The following SPOCK3 variants were observed in gnomAD, a reference collection of about 807,000 sequenced individuals.
SPOCK3 encodes the protein testican-3.
SPOCK3 carries 30 observed loss-of-function variants against 56.6 expected under a neutral mutation model. The ratio of observed to expected loss-of-function variants is 0.53; its 90% CI spans 0.40 to 0.72. The LOEUF (loss-of-function observed/expected upper bound fraction) is 0.72. Ranked by LOEUF, SPOCK3 falls within the 30% of genes least tolerant of loss-of-function variation. The pLI is 0.00. For missense variants in SPOCK3, 527 were observed against 530.0 expected (o/e 0.99, Z 0.06); for synonymous variants, 196 against 183.3 (o/e 1.07, Z -0.56).
intron 9 of SPOCK3, among the ~76,000 whole-genome samples, chr4:166,740,216 C>T (rs534376410): frequency 1.7e-4 from 26 of 152,146 alleles, no homozygotes; most frequent in Middle Eastern, 3.4e-3. Flanking sequence ...CAATTTCAGA[C>T]GCGTACTAAT....
chr4:166,872,664 TA>T (rs752531784), intron 6 of SPOCK3, among the ~76,000 whole-genome samples: 13 of 152,150 alleles, frequency 8.5e-5, no homozygotes, highest in Non-Finnish European at 8.8e-5. Flanking sequence ...GAAACTTAAA[TA>T]AACATCACTA....
chr4:166,762,362 G>C (rs941100631), intron 7 of SPOCK3, among the ~76,000 whole-genome samples: 1 of 152,118 alleles, frequency 6.6e-6, no homozygotes, highest in South Asian at 2.1e-4. Context: ...ATAAAGCAAT[G>C]TTGGTGTGAG....
rs925234424 is a variant in SPOCK3, at chr4:167,078,765, G to C, written c.190-16228C>G. ...TTTAATTTTATTATTTAATTTCCAA[G>C]TGCAAGTAGCAATCTGCTACGGAAA... On this transcript the variant is annotated intron_variant, in intron 2 of 10. Transcript: ENST00000357545. 2.6e-5 allele frequency among the ~76,000 whole-genome samples: 4 copies of C among 151,504 alleles called. No individual in the cohort carries two copies. The East Asian group carries it at 5.8e-4, about 22-fold the overall frequency.
chr4:166,972,162 T>A (rs1245956096), intron 4 of SPOCK3, among the ~76,000 whole-genome samples: 1 of 152,148 alleles, frequency 6.6e-6, no homozygotes, highest in Non-Finnish European at 1.5e-5. Flanking sequence ...TACAACAAGC[T>A]GGAAATTCTT....
intron 5 of SPOCK3, among the ~76,000 whole-genome samples, chr4:166,896,504 T>C (rs568229611): frequency 6.6e-6 from 1 of 152,064 alleles, no homozygotes; most frequent in African/African-American, 2.4e-5. Context: ...CTCATTACAT[T>C]TGAAACAGGA....
intron 2 of SPOCK3, among the ~76,000 whole-genome samples, chr4:167,198,257 A>T (rs1459547325): frequency 2.0e-5 from 3 of 152,166 alleles, no homozygotes; most frequent in African/African-American, 7.2e-5. Flanking sequence ...ATCAAAAAAA[A>T]TTAAAGTCTT....
intron 6 of SPOCK3, among the ~76,000 whole-genome samples, chr4:166,859,777 T>C (rs1731055734): frequency 2.0e-5 from 3 of 152,136 alleles, no homozygotes; most frequent in African/African-American, 7.2e-5. Flanking sequence ...AGGGGGTTCC[T>C]TGTACTAAAT....
chr4:167,140,417 T>A (rs1470444298), intron 2 of SPOCK3, among the ~76,000 whole-genome samples: 1 of 152,058 alleles, frequency 6.6e-6, no homozygotes, highest in Non-Finnish European at 1.5e-5. Flanking sequence ...CTTAAAGTAA[T>A]CCATAGCAAA....
At chr4:166,844,345 C>A (rs1369575791) in intron 6 of SPOCK3, among the ~76,000 whole-genome samples, 1 of 152,144 alleles carries the variant, frequency 6.6e-6, no homozygotes, top group East Asian at 1.9e-4. Flanking sequence ...CATGTCTTAG[C>A]ACATACTTTA....
intron 8 of SPOCK3, among the ~76,000 whole-genome samples, chr4:166,745,124 G>A (rs997810664): frequency 5.3e-5 from 8 of 151,994 alleles, no homozygotes; most frequent in Non-Finnish European, 1.2e-4. Flanking sequence ...TTCAAATTCA[G>A]GATATACAGA....
chr4:166,918,867 T>C (rs1738180051), intron 4 of SPOCK3, among the ~76,000 whole-genome samples: 2 of 152,108 alleles, frequency 1.3e-5, no homozygotes, highest in South Asian at 2.1e-4. Context: ...GCCATCCTCA[T>C]GGTAATGAGT....
intron 2 of SPOCK3, among the ~76,000 whole-genome samples, chr4:167,222,488 ATT>A (rs201230397): frequency 0.14 from 19,124 of 139,448 alleles, 1,558 homozygotes; most frequent in African/African-American, 0.22. Context: ...AAACATATAT[ATT>A]ACATATGAAT....
intron 6 of SPOCK3, among the ~76,000 whole-genome samples, chr4:166,793,924 C>CA (rs1241070028): frequency 6.6e-6 from 1 of 151,794 alleles, no homozygotes; most frequent in Non-Finnish European, 1.5e-5. Context: ...TGTGATACAC[C>CA]AGAGATTAAA....
intron 2 of SPOCK3, among the ~76,000 whole-genome samples, chr4:167,092,438 C>T (rs1451090102): frequency 1.3e-5 from 2 of 152,064 alleles, no homozygotes; most frequent in South Asian, 2.1e-4. Flanking sequence ...TATCTTAGTG[C>T]CTTTCTTTCA....
At chr4:166,869,606 CTGTGTGTGTGTG>C (rs34623275) in intron 6 of SPOCK3, among the ~76,000 whole-genome samples, 15,429 of 141,878 alleles carry the variant, frequency 0.11, 865 homozygotes, top group African/African-American at 0.15. Context: ...CAATAGAATT[CTGTGTGTGTGTG>C]TGTGTGTGTG....
intron 6 of SPOCK3, among the ~76,000 whole-genome samples, chr4:166,798,535 G>A (rs1469829476): frequency 3.3e-5 from 5 of 152,206 alleles, no homozygotes; most frequent in African/African-American, 1.2e-4. Flanking sequence ...AGTGACAGAA[G>A]CTGTTAGAGA....
At chr4:167,002,935 T>C (rs982354748) in intron 3 of SPOCK3, among the ~76,000 whole-genome samples, 1 of 152,218 alleles carries the variant, frequency 6.6e-6, no homozygotes, top group African/African-American at 2.4e-5. Context: ...TATATGTACA[T>C]ATATGTCATA....
At chr4:167,059,772 A>C (rs563731201) in intron 3 of SPOCK3, among the ~76,000 whole-genome samples, 2 of 152,198 alleles carry the variant, frequency 1.3e-5, no homozygotes, top group Non-Finnish European at 2.9e-5. Context: ...ACAATGATAG[A>C]CTGGATTAAG....
At chr4:166,908,108 A>G (rs1158249881) in intron 5 of SPOCK3, among the ~76,000 whole-genome samples, 2 of 152,044 alleles carry the variant, frequency 1.3e-5, no homozygotes, top group African/African-American at 4.8e-5. Context: ...TATAGTTGCT[A>G]GAATTAATAA....
Sources: allele counts gnomAD v4.1 joint callset (sites outside exome capture counted in the v4.1 genomes callset), GRCh38; gene constraint gnomAD v4.1.1; transcripts MANE v1.5; gene names NCBI Gene and HGNC (gene_info 2026-07-23, HGNC 2026-07-21).